MANBAL: variants seen among roughly 807,000 people sequenced by gnomAD.
The protein encoded by MANBAL is protein MANBAL.
Under a neutral mutation model 6.4 loss-of-function variants are expected in MANBAL, and 1 was observed. The ratio of observed to expected loss-of-function variants is 0.16; its 90% CI spans 0.06 to 0.74. MANBAL has a LOEUF of 0.74. Among genes scored for constraint, MANBAL ranks in the 30% least tolerant of loss-of-function variants. MANBAL has a pLI of 0.78. For synonymous variants in MANBAL, 47 were observed against 45.8 expected (o/e 1.03, Z -0.10); for missense variants, 100 against 107.8 (o/e 0.93, Z 0.32).
chr20:37,291,120 A>G (rs1170540183), intron 1 of MANBAL, among the ~76,000 whole-genome samples: 2 of 152,188 alleles, frequency 1.3e-5, no homozygotes, highest in East Asian at 1.9e-4. Flanking sequence ...TGAGAGCTAT[A>G]CTTGTCTCAG....
At chr20:37,292,848 G>A (rs2068904513) in intron 1 of MANBAL, among the ~76,000 whole-genome samples, 1 of 152,144 alleles carries the variant, frequency 6.6e-6, no homozygotes, top group Admixed American at 6.5e-5. Context: ...ATTTCCCAAG[G>A]AGCCCTGGCT....
At chr20:37,306,407 A>G (rs1424360126) in intron 2 of MANBAL, among the ~76,000 whole-genome samples, 6 of 152,214 alleles carry the variant, frequency 3.9e-5, no homozygotes, top group Non-Finnish European at 8.8e-5. Context: ...TCAGGGAGGA[A>G]AAGAGGGAAC....
intron 1 of MANBAL, among the ~76,000 whole-genome samples, chr20:37,300,859 C>T (rs1297815912): frequency 1.3e-5 from 2 of 152,058 alleles, no homozygotes; most frequent in Admixed American, 6.6e-5. Flanking sequence ...AAGTCAGTTA[C>T]AGGCTGGGTG....
chr20:37,296,459 AT>A (rs1402140775), intron 1 of MANBAL, among the ~76,000 whole-genome samples: 1 of 152,094 alleles, frequency 6.6e-6, no homozygotes, highest in East Asian at 1.9e-4. Flanking sequence ...ACAATTGCTT[AT>A]TTTTTTCAAT....
intron 1 of MANBAL, among the ~76,000 whole-genome samples, chr20:37,296,727 A>G (rs1325387471): frequency 1.3e-5 from 2 of 152,230 alleles, no homozygotes; most frequent in South Asian, 2.1e-4. Flanking sequence ...GTCAAAGGAT[A>G]TAATCACTTT....
At chr20:37,307,216 T>A (rs1266071158) in intron 2 of MANBAL, among the ~76,000 whole-genome samples, 1 of 152,188 alleles carries the variant, frequency 6.6e-6, no homozygotes, top group Non-Finnish European at 1.5e-5. Context: ...TTCTCTCACC[T>A]TGGCCTCCCA....
intron 2 of MANBAL, among the ~76,000 whole-genome samples, chr20:37,311,702 G>A (rs1182140709): frequency 1.3e-5 from 2 of 152,214 alleles, no homozygotes; most frequent in East Asian, 1.9e-4. Flanking sequence ...GGTCAGGCTG[G>A]TCTTGAACTC....
chr20:37,292,277 CAT>C (rs1040512553), intron 1 of MANBAL, among the ~76,000 whole-genome samples: 16 of 152,130 alleles, frequency 1.1e-4, no homozygotes, highest in African/African-American at 3.9e-4. Flanking sequence ...CTTACAGAGT[CAT>C]ATATTTGTAT....
Position 37,316,309 on chromosome 20 carries a change from A to G in MANBAL, c.152A>G (p.Glu51Gly), listed in dbSNP as rs1442287903. ...ACTCTCCTTTTTATCACCTCACAGG[A>G]GGCTGAACCGTCTGAGCCCAGAAGT... is the stretch of plus-strand genomic sequence containing the variant. ...IVPIPKSHEA[E>G]AEPSEPRSAE... The change falls in exon 3 of 3, where the codon GAG becomes GGG. Residue 51 changes from glutamate (E) to glycine (G), a missense_variant and splice_region_variant. Transcript: ENST00000373606. The G allele has an allele frequency of 3.1e-6, 5 of 1,613,272 alleles. No homozygotes were observed. The highest frequency in any genetic ancestry group is 1.7e-6 in the Non-Finnish European group (2 of 1,179,632).
In MANBAL at chr20:37,302,659, A is replaced by G. The variant is rs78860569; in HGVS notation, c.150+1246A>G. ...CTTGGTTCTTTCCCTTTATTTATCA[A>G]TTTTCAAAGTTGTGAGTTCAGACTC... is the stretch of plus-strand genomic sequence containing the variant. On this transcript the variant is annotated intron_variant, in intron 2 of 2. Coordinates refer to ENST00000373606, the MANE Select transcript of MANBAL (RefSeq NM_001003897.2). Among the ~76,000 whole-genome samples the G allele has an allele frequency of 2.4e-3, 366 of 152,128 alleles. 2 individuals are homozygous for G. Among genetic ancestry groups the G allele is most frequent in the African/African-American group, 7.0e-3 (290 of 41,504 alleles).
intron 2 of MANBAL, among the ~76,000 whole-genome samples, chr20:37,302,697 A>G (rs371424614): frequency 7.2e-5 from 11 of 152,136 alleles, no homozygotes; most frequent in East Asian, 5.8e-4. Context: ...GCAACTTCCA[A>G]TGATGACCAA....
intron 2 of MANBAL, among the ~76,000 whole-genome samples, chr20:37,311,048 C>T (rs2069374484): frequency 2.0e-5 from 3 of 152,206 alleles, no homozygotes; most frequent in African/African-American, 7.2e-5. Flanking sequence ...TTCCCTGCAG[C>T]TTGCATGGGG....
chr20:37,301,258 TG>T lies in MANBAL; in HGVS notation c.-3del. ...AAGAGACGTCAGGCAGCAAGCGACT[TG>T]GGCCATGGCCTCTGACCTAGACTTC... On this transcript the variant is annotated 5_prime_UTR_variant, in exon 2 of 3. Transcript: ENST00000373606. 6.3e-7 allele frequency: 1 copy of T among 1,586,012 alleles called. No homozygotes were observed.
intron 1 of MANBAL, among the ~76,000 whole-genome samples, chr20:37,291,011 CT>C (rs1179559696): frequency 1.3e-5 from 2 of 152,170 alleles, no homozygotes; most frequent in Non-Finnish European, 2.9e-5. Flanking sequence ...CAAGAATGGC[CT>C]ACCAGCACAG....
rs1042133329 is a variant in MANBAL at position 37,317,088 on chromosome 20, T to G, written c.*673T>G. 1.3e-5 allele frequency: 2 copies of G among 152,666 alleles called. No homozygotes were observed. Among genetic ancestry groups the G allele is most frequent in the Non-Finnish European group, 2.9e-5 (2 of 68,066 alleles). 9.5% of individuals were successfully genotyped at this position (152,666 alleles called of 1,614,324 possible). A position where few individuals can be genotyped will look rare whatever the true frequency, so the allele number is the denominator to read the frequency against. ...GCACAAACTTCCTGAGCCTCTGAAA[T>G]GGGAGGCTCGTCAATTTCAGACCAA... On this transcript the variant is annotated 3_prime_UTR_variant, in exon 3 of 3. Transcript: ENST00000373606.
At chr20:37,315,786 G>A (rs1482255943) in intron 2 of MANBAL, among the ~76,000 whole-genome samples, 1 of 152,238 alleles carries the variant, frequency 6.6e-6, no homozygotes, top group African/African-American at 2.4e-5. Context: ...GGGTTGAATG[G>A]GAGGACAAGA....
At chr20:37,315,492 C>T (rs2069490265) in intron 2 of MANBAL, among the ~76,000 whole-genome samples, 1 of 152,244 alleles carries the variant, frequency 6.6e-6, no homozygotes, top group African/African-American at 2.4e-5. Context: ...GTCTCCCTTC[C>T]TTATCAGCAC....
chr20:37,303,116 G>T (rs1306378336), intron 2 of MANBAL, among the ~76,000 whole-genome samples: 1 of 152,172 alleles, frequency 6.6e-6, no homozygotes, highest in Non-Finnish European at 1.5e-5. Flanking sequence ...TTGCCATGTT[G>T]CCCAGGCTGG....
chr20:37,297,071 C>T (rs2146793337), intron 1 of MANBAL: 1 of 152,304 alleles, frequency 6.6e-6, no homozygotes, highest in Non-Finnish European at 1.5e-5. Context: ...AAAAAATGCA[C>T]ACTTTATGAG....
Sources: gnomAD v4.1 joint callset for allele counts (sites outside exome capture counted in the v4.1 genomes callset) on GRCh38, gnomAD v4.1.1 for gene constraint, MANE v1.5 for transcripts, NCBI Gene and HGNC (gene_info 2026-07-23, HGNC 2026-07-21) for gene names.